The following AGBL1 variants were observed in gnomAD, a reference collection of about 807,000 sequenced individuals.
AGBL1 encodes AGBL carboxypeptidase 1.
AGBL1 carries 130 observed loss-of-function variants against 118.9 expected under a neutral mutation model. The ratio of observed to expected loss-of-function variants is 1.09; its 90% confidence interval spans 0.95 to 1.26. AGBL1 has a LOEUF of 1.26. Ranked by LOEUF, AGBL1 falls within the 50% of genes most tolerant of loss-of-function variation. The pLI is 0.00. For missense variants in AGBL1, 1,584 were observed against 1,298.1 expected, an observed-to-expected ratio of 1.22 and a Z score of -3.38; for synonymous variants, 555 against 478.9, an observed-to-expected ratio of 1.16 and a Z score of -2.08.
intron 24 of AGBL1, among the ~76,000 whole-genome samples, chr15:86,998,921 G>T (rs370054589): frequency 6.6e-6 from 1 of 151,042 alleles, no homozygotes. Context: ...ATGCAGGTTT[G>T]TTACATATGT....
chr15:86,397,622 T>C, intron 18 of AGBL1, 76 bp downstream of exon 18: 1 of 1,395,958 alleles, frequency 7.2e-7, no homozygotes, highest in Non-Finnish European at 9.8e-7. Flanking sequence ...CAAGTAGGCG[T>C]GATTGGAGAG....
intron 22 of AGBL1, among the ~76,000 whole-genome samples, chr15:86,812,981 G>T (rs564737976): frequency 6.6e-6 from 1 of 152,174 alleles, no homozygotes; most frequent in South Asian, 2.1e-4. Context: ...TACAGGTGAG[G>T]AAATTTCTGG....
At chr15:86,472,525 C>A (rs1478517795) in intron 18 of AGBL1, among the ~76,000 whole-genome samples, 1 of 152,120 alleles carries the variant, frequency 6.6e-6, no homozygotes, top group East Asian at 1.9e-4. Flanking sequence ...TGCAAAGAGA[C>A]CAGTATTACA....
chr15:86,209,451 A>G (rs973104236), intron 5 of AGBL1, among the ~76,000 whole-genome samples: 18 of 152,122 alleles, frequency 1.2e-4, no homozygotes, highest in African/African-American at 4.1e-4. Flanking sequence ...GTGGGAGTCT[A>G]AGTCTCTTTG....
At chr15:86,181,607 T>C (rs1315851032) in intron 5 of AGBL1, among the ~76,000 whole-genome samples, 1 of 152,024 alleles carries the variant, frequency 6.6e-6, no homozygotes, top group Non-Finnish European at 1.5e-5. Flanking sequence ...TGTGGTGATG[T>C]TTCAAAGGTA....
intron 18 of AGBL1, among the ~76,000 whole-genome samples, chr15:86,419,306 C>A (rs1175525313): frequency 6.6e-6 from 1 of 151,960 alleles, no homozygotes; most frequent in Non-Finnish European, 1.5e-5. Flanking sequence ...TGGGTGCAGC[C>A]CATGGAGGGT....
At chr15:86,949,995 A>G (rs1167895891) in intron 23 of AGBL1, among the ~76,000 whole-genome samples, 2 of 152,106 alleles carry the variant, frequency 1.3e-5, no homozygotes, top group Non-Finnish European at 2.9e-5. Flanking sequence ...CAATAACAAA[A>G]AGTAAATTAT....
At position 86,093,076 on chromosome 15, in the gene AGBL1, A is replaced by T. The variant is rs151270424; in HGVS notation, c.51+13053A>T. 1.7e-3 allele frequency among the ~76,000 whole-genome samples: 252 copies of T among 152,260 alleles called. 1 individual carries two copies. Among genetic ancestry groups the T allele is most frequent in the African/African-American group, 5.9e-3 (247 of 41,558 alleles). On this transcript the variant is annotated intron_variant, in intron 1 of 22. Transcript: ENST00000614907. ...TATTCGGTGACCTTGCTCATCTAGGATAACAAGAACAATATAGAGCTTTCC... is the reference window on the plus strand; with the variant it reads ...TATTCGGTGACCTTGCTCATCTAGGTTAACAAGAACAATATAGAGCTTTCC...
Position 86,913,836 on chromosome 15 carries a change from T to C in AGBL1, c.*6542T>C, listed in dbSNP as rs1321237084. 6.6e-6 allele frequency: 1 copy of C among 152,190 alleles called. No homozygotes were observed. The highest frequency in any genetic ancestry group is 2.4e-5 in the African/African-American group (1 of 41,444). 9.4% of individuals were successfully genotyped at this position (152,190 alleles called of 1,614,324 possible). On this transcript the variant is annotated 3_prime_UTR_variant, in exon 23 of 23. Transcript: ENST00000614907. ...CTACGGTGAGTCGTGATCGCACAAC[T>C]GCACTCCTGCCTAGGTGGCAGAGTG... is the stretch of plus-strand genomic sequence containing the variant.
chr15:86,624,848 C>T (rs1310817649), intron 21 of AGBL1, among the ~76,000 whole-genome samples: 1 of 152,136 alleles, frequency 6.6e-6, no homozygotes, highest in African/African-American at 2.4e-5. Flanking sequence ...CCTCTCCTGC[C>T]CACATTGCCA....
intron 21 of AGBL1, among the ~76,000 whole-genome samples, chr15:86,644,913 C>T (rs546823353): frequency 1.0e-4 from 15 of 150,356 alleles, no homozygotes; most frequent in Admixed American, 6.6e-4. Context: ...CCCAGGTACT[C>T]GGGAGGCTGA....
At chr15:86,799,806 A>T (rs2078625181) in intron 22 of AGBL1, among the ~76,000 whole-genome samples, 1 of 152,192 alleles carries the variant, frequency 6.6e-6, no homozygotes. Context: ...TTACCTTGTA[A>T]TGAAATGGTT....
intron 22 of AGBL1, among the ~76,000 whole-genome samples, chr15:86,688,551 G>T (rs775274856): frequency 6.6e-6 from 1 of 152,270 alleles, no homozygotes; most frequent in Non-Finnish European, 1.5e-5. Flanking sequence ...ATATACGCAA[G>T]TGAGTGTGAT....
rs192936573 is a variant in AGBL1 at position 86,729,225 on chromosome 15, A to G, written c.3158+54789A>G. On this transcript the variant is annotated intron_variant, in intron 22 of 22. Transcript: ENST00000614907. ...AAGCCACTATTAATGTTAGGTTTTA[A>G]CTGAAAAATAGCTCAAATGATTAAC... is the stretch of plus-strand genomic sequence containing the variant. Among the ~76,000 whole-genome samples the G allele has an allele frequency of 9.2e-5, 14 of 152,350 alleles. No individual in the cohort carries two copies. In the East Asian group the frequency reaches 2.7e-3, roughly 29 times the overall value.
At chr15:86,215,575 C>T (rs541010639) in intron 5 of AGBL1, among the ~76,000 whole-genome samples, 2 of 152,232 alleles carry the variant, frequency 1.3e-5, no homozygotes, top group Admixed American at 1.3e-4. Context: ...AAGTACCTGA[C>T]ATTGCAGTGA....
intron 22 of AGBL1, among the ~76,000 whole-genome samples, chr15:86,899,007 C>T (rs746001865): frequency 1.4e-4 from 21 of 152,144 alleles, no homozygotes; most frequent in Non-Finnish European, 4.4e-5. Context: ...AAAAGCAGAA[C>T]TACCATTCAA....
intron 17 of AGBL1, among the ~76,000 whole-genome samples, chr15:86,389,880 A>C (rs1199831629): frequency 6.6e-6 from 1 of 152,150 alleles, no homozygotes; most frequent in Non-Finnish European, 1.5e-5. Flanking sequence ...ATTAGGACAA[A>C]TGGAGAGCAA....
chr15:86,517,376 G>A (rs1019920502), intron 18 of AGBL1, among the ~76,000 whole-genome samples: 1 of 152,180 alleles, frequency 6.6e-6, no homozygotes, highest in African/African-American at 2.4e-5. Context: ...ATATCTCACA[G>A]GCTACCAGGT....
At chr15:86,507,268 C>A (rs1381942225) in intron 18 of AGBL1, among the ~76,000 whole-genome samples, 1 of 152,090 alleles carries the variant, frequency 6.6e-6, no homozygotes, top group Non-Finnish European at 1.5e-5. Context: ...AAGATCTAAT[C>A]ATTTCATGGA....
Sources: gnomAD v4.1 joint callset for allele counts (sites outside exome capture counted in the v4.1 genomes callset) on GRCh38, gnomAD v4.1.1 for gene constraint, MANE v1.5 for transcripts, NCBI Gene and HGNC (gene_info 2026-07-23, HGNC 2026-07-21) for gene names.